ACOX1: variants seen among roughly 807,000 people sequenced by gnomAD.
The protein encoded by ACOX1 is acyl-CoA oxidase 1.
Under a neutral mutation model 75.5 loss-of-function variants are expected in ACOX1, and 41 were observed. That is an observed-to-expected ratio of 0.54 (90% CI 0.42 to 0.70). The LOEUF is 0.70. Among genes scored for constraint, ACOX1 ranks in the 30% least tolerant of loss-of-function variants. The pLI, the probability that ACOX1 is intolerant of heterozygous loss-of-function variation, is 0.00. For synonymous variants in ACOX1, 303 were observed against 298.8 expected (o/e 1.01, Z -0.15); for missense variants, 630 against 837.5 (o/e 0.75, Z 3.06).
intron 12 of ACOX1, among the ~76,000 whole-genome samples, chr17:75,948,868 T>C (rs1281402297): frequency 2.0e-5 from 3 of 150,928 alleles, no homozygotes; most frequent in Admixed American, 6.6e-5. Context: ...TTTTCTTTTT[T>C]TTTTTTTTTG....
In ACOX1 at chr17:75,966,873, A is replaced by G. The variant is rs538454839; in HGVS notation, c.270-6498T>C. Among the ~76,000 whole-genome samples, 22 of 152,298 alleles carry G rather than the reference A, an allele frequency of 1.4e-4. No homozygotes were observed. In the East Asian group the frequency reaches 4.2e-3, roughly 29 times the overall value. On this transcript the variant is annotated intron_variant, in intron 2 of 13. Transcript: ENST00000293217. Reference sequence around the variant, plus strand: ...AACAAAGAAAGAAATAAACCTATCAATGTAATATATTTAAGGTTCCAGAAA... The same window carrying G: ...AACAAAGAAAGAAATAAACCTATCAGTGTAATATATTTAAGGTTCCAGAAA...
chr17:75,949,717 C>A lies in ACOX1; in HGVS notation c.1478+1G>T. The A allele has an allele frequency of 1.2e-6, 2 of 1,614,186 alleles. No individual in the cohort carries two copies. The highest frequency in any genetic ancestry group is 2.2e-5 in the South Asian group (2 of 91,080). ...ATTCTAGCTCTTGAGGGAGAGCTCA[C>A]CTGGCTGCACGGAGTTTATATGCTT... On this transcript the variant is annotated splice_donor_variant, in intron 10 of 13. Transcript: ENST00000293217. LOFTEE classifies it high-confidence loss of function.
intron 2 of ACOX1, among the ~76,000 whole-genome samples, chr17:75,977,880 T>C (rs1259022037): frequency 1.3e-5 from 2 of 152,166 alleles, no homozygotes; most frequent in African/African-American, 4.8e-5. Flanking sequence ...CAGTCCTCCT[T>C]ACAAAGAGCA....
intron 2 of ACOX1, among the ~76,000 whole-genome samples, chr17:75,974,063 T>C (rs1413784026): frequency 6.6e-6 from 1 of 152,154 alleles, no homozygotes; most frequent in Non-Finnish European, 1.5e-5. Context: ...AGTTTTAGCA[T>C]AAAAACTTCT....
Position 75,949,608 on chromosome 17 carries a change from G to A in ACOX1, c.1479-8C>T, listed in dbSNP as rs779271033. The A allele has an allele frequency of 6.2e-7, 1 of 1,613,678 alleles. No individual in the cohort carries two copies. Among genetic ancestry groups the A allele is most frequent in the Non-Finnish European group, 8.5e-7 (1 of 1,179,612 alleles). On this transcript the variant is annotated splice_region_variant and splice_polypyrimidine_tract_variant and intron_variant, in intron 10 of 13. Coordinates refer to ENST00000293217, the MANE Select transcript of ACOX1 (RefSeq NM_004035.7). ...GCAGCAATTTCTACTAATCTGTTAA[G>A]ACATAGATTGGAGGTCTGAGGAAAT...
chr17:75,959,935 A>G (rs1040910810), intron 3 of ACOX1, among the ~76,000 whole-genome samples: 1 of 152,226 alleles, frequency 6.6e-6, no homozygotes, highest in African/African-American at 2.4e-5. Flanking sequence ...AACCTCAGTA[A>G]CATTGAAAAA....
chr17:75,976,841 C>G (rs1044436440), intron 2 of ACOX1, among the ~76,000 whole-genome samples: 5 of 152,034 alleles, frequency 3.3e-5, no homozygotes, highest in African/African-American at 1.2e-4. Flanking sequence ...ACGATTTAGT[C>G]TTTACCGATG....
In ACOX1 at chr17:75,977,750, C is replaced by T. The variant is rs553528528; in HGVS notation, c.269+784G>A. On this transcript the variant is annotated intron_variant, in intron 2 of 13. Transcript: ENST00000293217. ...CTTAGACTTTCTATTCATTCAGAGGCGTCACAGATCATTCTTCATCCAGGT... is the reference window on the plus strand; with the variant it reads ...CTTAGACTTTCTATTCATTCAGAGGTGTCACAGATCATTCTTCATCCAGGT... Among the ~76,000 whole-genome samples, 13 of 151,828 alleles carry T rather than the reference C, an allele frequency of 8.6e-5. No individual in the cohort carries two copies. In the East Asian group the frequency reaches 2.6e-3, roughly 30 times the overall value.
intron 2 of ACOX1, among the ~76,000 whole-genome samples, chr17:75,963,312 C>A (rs1035227774): frequency 3.9e-5 from 6 of 151,986 alleles, no homozygotes; most frequent in Non-Finnish European, 8.8e-5. Flanking sequence ...GGCACTTGTA[C>A]CCCCTAAACC....
At chr17:75,951,910 G>A (rs2065778526) in intron 7 of ACOX1, among the ~76,000 whole-genome samples, 1 of 142,892 alleles carries the variant, frequency 7.0e-6, no homozygotes, top group African/African-American at 2.6e-5. Context: ...CGCCTCCCAA[G>A]TTCAAGCGAT....
At position 75,949,837 on chromosome 17, in the gene ACOX1, G is replaced by C. The variant is rs1447540124; in HGVS notation, c.1359C>G (p.Ser453=). Residue 453 remains serine, a synonymous_variant, in exon 10 of 14, where the codon TCC becomes TCG. Coordinates refer to ENST00000293217, the MANE Select transcript of ACOX1 (RefSeq NM_004035.7). ...HSGKLVCGMV[S]YLNDLPSQRI... ...GCTGACTGGGCAGGTCGTTCAAATA[G>C]GACACCATGCCACACACCAACTTTC... The C allele has an allele frequency of 1.2e-6, 2 of 1,614,014 alleles. No individual in the cohort carries two copies. The highest frequency in any genetic ancestry group is 2.2e-5 in the East Asian group (1 of 44,896).
intron 3 of ACOX1, among the ~76,000 whole-genome samples, chr17:75,958,624 C>T (rs185429134): frequency 1.5e-3 from 231 of 151,498 alleles, no homozygotes; most frequent in Middle Eastern, 3.4e-3. Flanking sequence ...CTGGTTAACA[C>T]GGCGAAACCC....
chr17:75,955,923 A>G lies in ACOX1; in HGVS notation c.563T>C (p.Ile188Thr). ...GGLGKTSNHA[I>T]VLAQLITKGK... ...CTTAGTGATGAGCTGGGCAAGAACT[A>G]TTGCATGATTTGAAGTCTTTCCAAC... The change falls in exon 5 of 14, where the codon ATA becomes ACA. Residue 188 changes from isoleucine to threonine, a missense_variant. This residue lies in a region of ACOX1 where 390 missense variants were observed against 574.9 expected (regional missense o/e 0.68). Transcript: ENST00000293217. The G allele has an allele frequency of 6.2e-7, 1 of 1,603,544 alleles. No individual in the cohort carries two copies. The highest frequency in any genetic ancestry group is 8.5e-7 in the Non-Finnish European group (1 of 1,173,200).
At position 75,971,744 on chromosome 17, in the gene ACOX1, A is replaced by G. The variant is rs1194095051; in HGVS notation, c.269+6790T>C. 2.2e-3 allele frequency among the ~76,000 whole-genome samples: 325 copies of G among 150,778 alleles called. 1 individual carries two copies. Among genetic ancestry groups the G allele is most frequent in the African/African-American group, 7.3e-3 (302 of 41,122 alleles). On this transcript the variant is annotated intron_variant, in intron 2 of 13. Transcript: ENST00000293217. ...GGCACAGGATGAGACTCTGACTCAA[A>G]AAAAAAAAAAAAAATTAGGGCAAAT...
At chr17:75,965,888 G>C (rs923729389) in intron 2 of ACOX1, among the ~76,000 whole-genome samples, 3 of 151,976 alleles carry the variant, frequency 2.0e-5, no homozygotes, top group South Asian at 2.1e-4. Flanking sequence ...CCAGCACTTC[G>C]GGAGGCTGAG....
At position 75,977,434 on chromosome 17, in the gene ACOX1, C is replaced by T. The variant is rs576044763; in HGVS notation, c.269+1100G>A. On this transcript the variant is annotated intron_variant, in intron 2 of 13. Coordinates refer to ENST00000293217, the MANE Select transcript of ACOX1 (RefSeq NM_004035.7). The stretch of plus-strand genomic sequence containing the variant: ...TACAAAAATTAGCCGGGTGTGGTGG[C>T]GGGCGCCTGTAATCCCAGCTACTCA... 1.0e-3 allele frequency among the ~76,000 whole-genome samples: 153 copies of T among 151,974 alleles called. No individual in the cohort carries two copies. The South Asian group carries it at 0.026, about 26-fold the overall frequency.
intron 13 of ACOX1, among the ~76,000 whole-genome samples, chr17:75,947,231 A>C (rs2065729147): frequency 6.7e-6 from 1 of 149,958 alleles, no homozygotes; most frequent in African/African-American, 2.5e-5. Flanking sequence ...TTATGGATAA[A>C]ATTATCTGAT....
Position 75,949,268 on chromosome 17 carries a change from A to T in ACOX1, c.1677T>A (p.Cys559Ter). 1 of 1,614,252 alleles carries T rather than the reference A, an allele frequency of 6.2e-7. No homozygotes were observed. The highest frequency in any genetic ancestry group is 8.5e-7 in the Non-Finnish European group (1 of 1,180,044). Reference protein sequence around the residue: ...KAIQAVLRSLCLLYSLYGISQ... With the variant: ...KAIQAVLRSL ...TGATTCCATACAGAGAATACAGCAGACATAAACTCCTTAAGACAGCTTGAA... is the reference window on the plus strand; with the variant it reads ...TGATTCCATACAGAGAATACAGCAGTCATAAACTCCTTAAGACAGCTTGAA... The change falls in exon 12 of 14, where the codon TGT becomes TGA. Residue 559 changes from cysteine (C) to a stop codon, truncating the protein, a stop_gained. Coordinates refer to ENST00000293217, the MANE Select transcript of ACOX1 (RefSeq NM_004035.7). LOFTEE classifies it high-confidence loss of function.
At chr17:75,973,523 A>G (rs1267135989) in intron 2 of ACOX1, 2 of 1,257,248 alleles carry the variant, frequency 1.6e-6, no homozygotes, top group Non-Finnish European at 2.3e-6. Context: ...ACTTAAAAAT[A>G]GAATCCCAAA....
Sources: gnomAD v4.1 joint callset for allele counts (sites outside exome capture counted in the v4.1 genomes callset) on GRCh38, gnomAD v4.1.1 for gene constraint, gnomAD v4.1.1 regional missense constraint, MANE v1.5 for transcripts, NCBI Gene and HGNC (gene_info 2026-07-23, HGNC 2026-07-21) for gene names.